TEX9: variants seen among roughly 807,000 people sequenced by gnomAD.
TEX9 encodes testis-expressed protein 9.
TEX9 carries 74 observed loss-of-function variants against 59.6 expected under a neutral mutation model. The observed-to-expected ratio is 1.24, with a 90% CI of 1.03 to 1.51. The LOEUF is 1.51. Among genes scored for constraint, TEX9 ranks in the 40% most tolerant of loss-of-function variants. The pLI, the probability that TEX9 is intolerant of heterozygous loss-of-function variation, is 0.00. For missense variants in TEX9, 522 were observed against 447.8 expected, an observed-to-expected ratio of 1.17 and a Z score of -1.49; for synonymous variants, 186 against 152.2, an observed-to-expected ratio of 1.22 and a Z score of -1.64.
At chr15:56,298,580 T>C (rs1479132349) in intron 1 of TEX9, among the ~76,000 whole-genome samples, 5 of 152,204 alleles carry the variant, frequency 3.3e-5, no homozygotes, top group African/African-American at 9.7e-5. Flanking sequence ...TAAGTTACTA[T>C]AATTTTTTTA....
At chr15:56,435,234 A>G (rs903557138) in intron 12 of TEX9, among the ~76,000 whole-genome samples, 4 of 152,006 alleles carry the variant, frequency 2.6e-5, no homozygotes, top group Non-Finnish European at 5.9e-5. Flanking sequence ...AAAAGTCTCA[A>G]ATCGATAATC....
intron 12 of TEX9, chr15:56,434,030 C>T (rs896553435): frequency 4.9e-6 from 6 of 1,236,778 alleles, no homozygotes; most frequent in South Asian, 1.6e-5. Context: ...AGTAAACATA[C>T]TAACATTGTC....
rs144160324 is a variant in TEX9 at position 56,373,649 on chromosome 15, A to G, written c.183+145A>G. 547 of 607,790 alleles carry G rather than the reference A, an allele frequency of 9.0e-4. 2 individuals are homozygous for G. Among genetic ancestry groups the G allele is most frequent in the Non-Finnish European group, 1.2e-3 (467 of 378,814 alleles). 37.6% of individuals were successfully genotyped at this position (607,790 alleles called of 1,614,324 possible). ...TATTACAAATTGAACATGAATATAT[A>G]TGCATAGGTATAGGAATGTATATAT... is the stretch of plus-strand genomic sequence containing the variant. On this transcript the variant is annotated intron_variant, in intron 3 of 12. Coordinates refer to ENST00000352903, the Ensembl canonical transcript of TEX9.
At chr15:56,285,289 C>T (rs1355339701) in intron 1 of TEX9, among the ~76,000 whole-genome samples, 1 of 152,078 alleles carries the variant, frequency 6.6e-6, no homozygotes, top group Non-Finnish European at 1.5e-5. Flanking sequence ...GCAATTACTG[C>T]CTTTAGGAAC....
intron 1 of TEX9, among the ~76,000 whole-genome samples, chr15:56,359,657 T>A (rs190538827): frequency 3.3e-5 from 5 of 152,240 alleles, no homozygotes; most frequent in Admixed American, 2.0e-4. Flanking sequence ...TTTTCTTTTT[T>A]AAAAAAATTT....
chr15:56,429,725 G>A (rs1339395149), intron 12 of TEX9: 2 of 152,054 alleles, frequency 1.3e-5, no homozygotes, highest in East Asian at 1.9e-4. Flanking sequence ...ACTGCAAAAG[G>A]CTCTTTAAAA....
intron 1 of TEX9, among the ~76,000 whole-genome samples, chr15:56,320,091 G>A (rs1449733880): frequency 1.3e-5 from 2 of 152,164 alleles, no homozygotes; most frequent in Non-Finnish European, 2.9e-5. Flanking sequence ...GCAGGTACAG[G>A]TGCCCTCATA....
At chr15:56,450,067 G>T (rs2050937962), downstream of TEX9, among the ~76,000 whole-genome samples, 1 of 151,708 alleles carries the variant, frequency 6.6e-6, no homozygotes. Context: ...CTTTATTATT[G>T]CCTTCCTCCT....
chr15:56,270,341 G>A (rs1414206616), intron 1 of TEX9, among the ~76,000 whole-genome samples: 2 of 152,178 alleles, frequency 1.3e-5, no homozygotes, highest in Non-Finnish European at 2.9e-5. Flanking sequence ...TGTATTGGGT[G>A]CATATATATT....
chr15:56,312,624 G>A (rs1470811989), intron 1 of TEX9, among the ~76,000 whole-genome samples: 6 of 146,160 alleles, frequency 4.1e-5, no homozygotes, highest in African/African-American at 1.0e-4. Context: ...ACTTGGTGAT[G>A]CGGGCTCTTT....
intron 1 of TEX9, among the ~76,000 whole-genome samples, chr15:56,355,546 C>T (rs561916971): frequency 1.1e-4 from 16 of 152,190 alleles, no homozygotes; most frequent in Non-Finnish European, 1.9e-4. Context: ...ATTGTTAATT[C>T]TTCAACATTG....
intron 1 of TEX9, among the ~76,000 whole-genome samples, chr15:56,249,709 C>T (rs1195037937): frequency 2.2e-5 from 3 of 135,460 alleles, no homozygotes; most frequent in African/African-American, 8.4e-5. Context: ...TGCCACTGCA[C>T]TCCAGCCTGG....
chr15:56,289,405 G>A (rs1428205161), intron 1 of TEX9, among the ~76,000 whole-genome samples: 2 of 152,130 alleles, frequency 1.3e-5, no homozygotes, highest in African/African-American at 2.4e-5. Flanking sequence ...ACAAGAAGGG[G>A]GAATATAAAG....
the TEX9 span, among the ~76,000 whole-genome samples, chr15:56,452,772 C>T: frequency 6.6e-6 from 1 of 152,136 alleles, no homozygotes; most frequent in African/African-American, 2.4e-5. Flanking sequence ...CTCACCTCGG[C>T]CTCCCAAAGT....
intron 1 of TEX9, among the ~76,000 whole-genome samples, chr15:56,278,803 G>T (rs2718940): frequency 0.032 from 4,761 of 148,366 alleles, 185 homozygotes; most frequent in East Asian, 0.096. Flanking sequence ...AGAGATCCAC[G>T]TTTTTTTTTT....
intron 1 of TEX9, among the ~76,000 whole-genome samples, chr15:56,335,469 G>A (rs1192062250): frequency 6.6e-6 from 1 of 152,110 alleles, no homozygotes; most frequent in African/African-American, 2.4e-5. Flanking sequence ...AACTCATGGA[G>A]ATAGAGAATA....
At chr15:56,269,066 G>T (rs947079227) in intron 1 of TEX9, among the ~76,000 whole-genome samples, 3 of 152,116 alleles carry the variant, frequency 2.0e-5, no homozygotes, top group African/African-American at 7.2e-5. Flanking sequence ...GGGTGTGTGT[G>T]TCAAGGAATT....
chr15:56,307,115 G>C (rs1202351652), intron 1 of TEX9, among the ~76,000 whole-genome samples: 1 of 152,094 alleles, frequency 6.6e-6, no homozygotes, highest in Non-Finnish European at 1.5e-5. Context: ...GGTGAGTACT[G>C]GCAGTAGGAC....
chr15:56,432,890 TC>T (rs1299972513), intron 12 of TEX9, among the ~76,000 whole-genome samples: 12 of 152,224 alleles, frequency 7.9e-5, no homozygotes, highest in Admixed American at 7.9e-4. Context: ...CACTTAGTCT[TC>T]CTCTAAATTC....
Sources: gnomAD v4.1 joint callset for allele counts (sites outside exome capture counted in the v4.1 genomes callset) on GRCh38, gnomAD v4.1.1 for gene constraint, MANE v1.5 for transcripts, NCBI Gene and HGNC (gene_info 2026-07-23, HGNC 2026-07-21) for gene names.